Variants in ANK2 observed in about 807,000 individuals in gnomAD.
The protein encoded by ANK2 is ankyrin-2.
Under a neutral mutation model 360.5 loss-of-function variants are expected in ANK2, and 83 were observed. That is an observed-to-expected ratio of 0.23 (90% CI 0.19 to 0.28). ANK2 has a LOEUF of 0.28. Among genes scored for constraint, ANK2 ranks in the 10% least tolerant of loss-of-function variants. ANK2 has a pLI of 1.00. For missense variants in ANK2, 4,201 were observed against 4,795.7 expected (o/e 0.88, Z 3.66); for synonymous variants, 1,740 against 1,759.5 (o/e 0.99, Z 0.28).
At chr4:112,806,269 T>A in the ANK2 span, among the ~76,000 whole-genome samples, 3 of 152,186 alleles carry the variant, frequency 2.0e-5, no homozygotes, top group Admixed American at 6.6e-5. Flanking sequence ...TGTTTTAATT[T>A]TTACCTCCCA....
chr4:112,933,503 CT>C (rs530916525), intron 2 of ANK2, among the ~76,000 whole-genome samples: 253 of 143,760 alleles, frequency 1.8e-3, no homozygotes, highest in Middle Eastern at 3.6e-3. Context: ...CAGTCTAATT[CT>C]TTTTTTTTTT....
chr4:113,372,486 C>A, intron 43 of ANK2: 3 of 1,209,892 alleles, frequency 2.5e-6, no homozygotes, highest in South Asian at 1.3e-5. Context: ...GTAGTGAAGT[C>A]ATTCCTTAGC....
chr4:112,709,121 G>A, the ANK2 span, among the ~76,000 whole-genome samples: 1 of 152,144 alleles, frequency 6.6e-6, no homozygotes, highest in South Asian at 2.1e-4. Context: ...AGGCTTGTTA[G>A]GCATTAGGTA....
chr4:113,232,256 A>C lies in ANK2; in HGVS notation c.480A>C (p.Thr160=), dbSNP rs1217913068. The change falls in exon 5 of 46, where the codon ACA becomes ACC. Residue 160 remains threonine (T), a synonymous_variant. Coordinates refer to ENST00000357077, the MANE Select transcript of ANK2 (RefSeq NM_001148.6). ...LENGANQSTA[T]EDGFTPLAVA... ...ATGGAGCTAATCAGAGCACTGCTAC[A>C]GAGGTAAGACTGTCAGCCCTAAAGC... 1 of 1,572,386 alleles carries C rather than the reference A, an allele frequency of 6.4e-7. No individual in the cohort carries two copies. The highest frequency in any genetic ancestry group is 2.2e-5 in the East Asian group (1 of 44,642).
chr4:112,860,829 T>C (rs1183760027), intron 1 of ANK2, among the ~76,000 whole-genome samples: 1 of 152,150 alleles, frequency 6.6e-6, no homozygotes, highest in Non-Finnish European at 1.5e-5. Context: ...TTTGGGGCCC[T>C]TAGCCATAGG....
chr4:113,341,396 AAG>A (rs1200862194), intron 32 of ANK2, among the ~76,000 whole-genome samples: 2 of 152,254 alleles, frequency 1.3e-5, no homozygotes, highest in African/African-American at 4.8e-5. Flanking sequence ...GAATATTCAG[AAG>A]AGTTTCCAAA....
the ANK2 span, among the ~76,000 whole-genome samples, chr4:112,790,195 C>G: frequency 6.6e-6 from 1 of 152,090 alleles, no homozygotes; most frequent in Non-Finnish European, 1.5e-5. Context: ...TAAGAGAAGA[C>G]TGATTTAGAC....
In ANK2 at chr4:113,353,041, A is replaced by C; in HGVS notation, c.4427-4A>C. 1.9e-6 allele frequency: 3 copies of C among 1,612,924 alleles called. No individual in the cohort carries two copies. Among genetic ancestry groups the C allele is most frequent in the Non-Finnish European group, 2.5e-6 (3 of 1,179,376 alleles). ...ACTTTCAATGTTTTTCATTCACATC[A>C]AAGATGATGAGACAGAATCTACAGA... is the stretch of plus-strand genomic sequence containing the variant. On this transcript the variant is annotated splice_region_variant and splice_polypyrimidine_tract_variant and intron_variant, in intron 37 of 45. Transcript: ENST00000357077.
chr4:113,070,893 T>C (rs543551872), intron 1 of ANK2, among the ~76,000 whole-genome samples: 37 of 152,164 alleles, frequency 2.4e-4, no homozygotes, highest in Non-Finnish European at 1.3e-4. Flanking sequence ...CCCGAGACAT[T>C]CAAAATGCTT....
At chr4:113,251,335 G>C (rs1376150626) in intron 10 of ANK2, among the ~76,000 whole-genome samples, 1 of 151,872 alleles carries the variant, frequency 6.6e-6, no homozygotes, top group African/African-American at 2.4e-5. Context: ...CAAATGTAAG[G>C]ATCCTGCATA....
rs755730258 is a variant in ANK2, at chr4:113,127,457, TC to T, written c.85-46958del. On this transcript the variant is annotated intron_variant, in intron 1 of 45. Transcript: ENST00000357077. ...GGTATCATAACTTTTAAATTTTCTTTCTTTTTTTGTTTTTTTTTTTAATACA... is the reference window on the plus strand; with the variant it reads ...GGTATCATAACTTTTAAATTTTCTTTTTTTTTTGTTTTTTTTTTTAATACA... 1.5e-3 allele frequency among the ~76,000 whole-genome samples: 210 copies of T among 137,498 alleles called. 4 individuals carry two copies. Among genetic ancestry groups the T allele is most frequent in the South Asian group, 2.1e-3 (9 of 4,264 alleles). The allele number at this position is 137,498 out of a possible 152,430, so 90.2% of individuals were successfully genotyped here. A position where few individuals can be genotyped will look rare whatever the true frequency, so the allele number is the denominator to read the frequency against.
At position 113,278,463 on chromosome 4, in the gene ANK2, G is replaced by A. The variant is rs377076801; in HGVS notation, c.1786G>A (p.Gly596Ser). The A allele has an allele frequency of 6.8e-6, 11 of 1,613,528 alleles. No homozygotes were observed. The highest frequency in any genetic ancestry group is 1.3e-5 in the African/African-American group (1 of 74,802). ...AACTTAAACACACCCTTTACAGAAC[G>A]GCCTTACCCCGCTCCATGTTGCTGC... ...RAAADSAGKN[G>S]LTPLHVAAHY... Residue 596 changes from glycine (G) to serine (S), a missense_variant, in exon 17 of 46, where the codon GGC becomes AGC. By Grantham distance (56) the Gly-to-Ser change is moderately conservative (BLOSUM62 0). This residue lies in a region of ANK2 where 1,268 missense variants were observed against 1,650.8 expected (regional missense o/e 0.77). Coordinates refer to ENST00000357077, the MANE Select transcript of ANK2 (RefSeq NM_001148.6).
At chr4:112,759,769 C>T in the ANK2 span, among the ~76,000 whole-genome samples, 1 of 152,234 alleles carries the variant, frequency 6.6e-6, no homozygotes, top group African/African-American at 2.4e-5. Context: ...TTGTAGAGGA[C>T]TTTGTACTTT....
chr4:112,864,182 T>C (rs186296123), intron 1 of ANK2, among the ~76,000 whole-genome samples: 24 of 152,350 alleles, frequency 1.6e-4, no homozygotes, highest in African/African-American at 5.8e-4. Flanking sequence ...GGTTAATGCA[T>C]GAATAAAATT....
rs141889990 is a variant in ANK2 at position 113,367,528 on chromosome 4, T to A, written c.11033-38T>A. 3.1e-4 allele frequency: 490 copies of A among 1,599,150 alleles called. 6 individuals carry two copies. In the East Asian group the frequency reaches 9.7e-3, roughly 32 times the overall value. On this transcript the variant is annotated intron_variant, in intron 41 of 45. Transcript: ENST00000357077. ...TTAATAAATATCCATTCAATATAGGTAAGCTTCAACTAAATACTTAAATCA... is the reference window on the plus strand; with the variant it reads ...TTAATAAATATCCATTCAATATAGGAAAGCTTCAACTAAATACTTAAATCA...
At chr4:112,900,501 T>C (rs2083004736) in intron 1 of ANK2, among the ~76,000 whole-genome samples, 2 of 152,282 alleles carry the variant, frequency 1.3e-5, no homozygotes, top group South Asian at 2.1e-4. Context: ...ATAAAGAATG[T>C]ATTTCTTGAT....
chr4:112,842,259 C>T (rs945048167), intron 1 of ANK2, among the ~76,000 whole-genome samples: 1 of 152,206 alleles, frequency 6.6e-6, no homozygotes, highest in African/African-American at 2.4e-5. Flanking sequence ...ATCCGCCCAC[C>T]TCAGCCTCCC....
At chr4:112,826,888 CA>C (rs1452124478) in intron 1 of ANK2, 11 of 1,504,356 alleles carry the variant, frequency 7.3e-6, no homozygotes, top group Non-Finnish European at 1.0e-5. Flanking sequence ...ACTTCTATGG[CA>C]GGGGTCAACC....
intron 1 of ANK2, among the ~76,000 whole-genome samples, chr4:113,056,296 G>C (rs2069770046): frequency 6.6e-6 from 1 of 152,070 alleles, no homozygotes; most frequent in African/African-American, 2.4e-5. Context: ...TCTATTAAAA[G>C]TTCTTTTCCA....
Sources: allele counts gnomAD v4.1 joint callset (sites outside exome capture counted in the v4.1 genomes callset), GRCh38; gene constraint gnomAD v4.1.1; regional missense constraint gnomAD v4.1.1; transcripts MANE v1.5; gene names NCBI Gene and HGNC (gene_info 2026-07-23, HGNC 2026-07-21).